KALRN: variants seen among roughly 807,000 people sequenced by gnomAD.
The protein encoded by KALRN is kalirin RhoGEF kinase.
In KALRN, 70 loss-of-function variants were observed where a neutral mutation model predicts 353.7. That is an observed-to-expected ratio of 0.20 (90% confidence interval 0.16 to 0.24). The LOEUF is 0.24. KALRN is among the 10% of genes least tolerant of loss of function. The probability of loss-of-function intolerance (pLI) is 1.00; values close to 1 mark genes in which losing one functional copy is unlikely to be tolerated. For synonymous variants in KALRN, 1,391 were observed against 1,434.8 expected, an observed-to-expected ratio of 0.97 and a Z score of 0.69; for missense variants, 2,791 against 3,756.7, an observed-to-expected ratio of 0.74 and a Z score of 6.72.
intron 1 of KALRN, among the ~76,000 whole-genome samples, chr3:124,070,444 T>C (rs1284068133): frequency 6.6e-6 from 1 of 152,178 alleles, no homozygotes. Context: ...GCTTGAATGT[T>C]CTTTGCATCC....
At chr3:124,491,148 T>C (rs1389188667) in intron 30 of KALRN, among the ~76,000 whole-genome samples, 175 bp from the exon 31 acceptor site, 1 of 152,156 alleles carries the variant, frequency 6.6e-6, no homozygotes, top group Non-Finnish European at 1.5e-5. Context: ...GGCACGTGCC[T>C]GTAGGTCCTT....
At chr3:124,378,499 T>C (rs188730871) in intron 10 of KALRN, among the ~76,000 whole-genome samples, 1 of 150,900 alleles carries the variant, frequency 6.6e-6, no homozygotes, top group East Asian at 1.9e-4. Flanking sequence ...TGCTCTTGAT[T>C]CCTGTGTATG....
At chr3:124,093,989 T>C (rs10934657) in intron 1 of KALRN, 91,001 of 151,892 alleles carry the variant, frequency 0.6, 30,109 homozygotes, top group Non-Finnish European at 0.75. Context: ...GGGAGAGGGG[T>C]TGAGAGGTAA....
chr3:124,469,625 TC>T (rs2060689385), intron 25 of KALRN, among the ~76,000 whole-genome samples: 1 of 152,174 alleles, frequency 6.6e-6, no homozygotes. Flanking sequence ...GTCCTGGACT[TC>T]CTATAAATAC....
chr3:124,371,972 C>G (rs368380110), intron 10 of KALRN, among the ~76,000 whole-genome samples: 1 of 152,160 alleles, frequency 6.6e-6, no homozygotes, highest in African/African-American at 2.4e-5. Flanking sequence ...TAAAAACCTT[C>G]CATCTACTCT....
chr3:124,375,902 C>A (rs2086520052), intron 10 of KALRN, among the ~76,000 whole-genome samples: 1 of 152,120 alleles, frequency 6.6e-6, no homozygotes. Flanking sequence ...CAGCAAAGAA[C>A]AACTACTATA....
chr3:124,611,774 C>G (rs756886403), intron 34 of KALRN, among the ~76,000 whole-genome samples: 8 of 152,334 alleles, frequency 5.3e-5, no homozygotes, highest in Non-Finnish European at 1.2e-4. Flanking sequence ...CATTTCATGT[C>G]CCTTCACCCA....
At chr3:124,508,600 G>T (rs2065501292) in intron 33 of KALRN, among the ~76,000 whole-genome samples, 1 of 152,148 alleles carries the variant, frequency 6.6e-6, no homozygotes, top group Non-Finnish European at 1.5e-5. Flanking sequence ...TGTGAACAAT[G>T]CTGCTATGGA....
At chr3:124,459,728 CTGTT>C (rs1298262008) in intron 23 of KALRN, among the ~76,000 whole-genome samples, 4 of 152,122 alleles carry the variant, frequency 2.6e-5, no homozygotes, top group Non-Finnish European at 5.9e-5. Flanking sequence ...TTTTGACACT[CTGTT>C]TGTGAATTAC....
At chr3:124,634,292 C>T (rs373813926) in intron 36 of KALRN, among the ~76,000 whole-genome samples, 2 of 152,212 alleles carry the variant, frequency 1.3e-5, no homozygotes, top group Non-Finnish European at 2.9e-5. Flanking sequence ...ACCATTTTGT[C>T]GTACCTGACT....
At chr3:124,373,494 C>T (rs142994307) in intron 10 of KALRN, among the ~76,000 whole-genome samples, 51 of 152,290 alleles carry the variant, frequency 3.3e-4, no homozygotes, top group African/African-American at 1.1e-3. Flanking sequence ...AGAAATTTAT[C>T]GTCTCACAGT....
chr3:124,402,587 A>C (rs1260890642), intron 13 of KALRN, among the ~76,000 whole-genome samples: 1 of 152,220 alleles, frequency 6.6e-6, no homozygotes, highest in Non-Finnish European at 1.5e-5. Flanking sequence ...GAAATGAAAA[A>C]TATTTTTAGA....
intron 3 of KALRN, 46 bp downstream of exon 3, chr3:124,234,989 G>A (rs755568020): frequency 8.6e-6 from 12 of 1,396,264 alleles, no homozygotes; most frequent in Non-Finnish European, 1.2e-5. Flanking sequence ...AGGGGAGCTG[G>A]GCTGATGCCA....
chr3:124,600,078 G>A (rs909069293), intron 34 of KALRN, among the ~76,000 whole-genome samples: 1 of 152,250 alleles, frequency 6.6e-6, no homozygotes, highest in Non-Finnish European at 1.5e-5. Flanking sequence ...GGAGTTAGAA[G>A]AGAAAGTGGG....
intron 23 of KALRN, among the ~76,000 whole-genome samples, chr3:124,459,700 AG>A (rs1235392745): frequency 6.6e-6 from 1 of 152,202 alleles, no homozygotes; most frequent in Non-Finnish European, 1.5e-5. Context: ...AGATTTCTGG[AG>A]GACTTTATAA....
intron 1 of KALRN, among the ~76,000 whole-genome samples, chr3:124,079,014 C>G (rs2060402972): frequency 6.6e-6 from 1 of 152,136 alleles, no homozygotes; most frequent in Admixed American, 6.5e-5. Flanking sequence ...AGGGTGGGGC[C>G]TATTCTGTTT....
chr3:124,352,994 C>T (rs559497404), intron 10 of KALRN, among the ~76,000 whole-genome samples: 1 of 151,992 alleles, frequency 6.6e-6, no homozygotes, highest in Admixed American at 6.5e-5. Flanking sequence ...GCACACGTAC[C>T]CCAGAACTGA....
intron 1 of KALRN, among the ~76,000 whole-genome samples, chr3:124,223,629 G>T (rs2078162762): frequency 6.6e-6 from 1 of 152,242 alleles, no homozygotes; most frequent in Non-Finnish European, 1.5e-5. Flanking sequence ...CCACTCTGTT[G>T]TTTGTTTCTT....
chr3:124,310,377 G>A (rs942669682), intron 6 of KALRN, among the ~76,000 whole-genome samples: 1 of 152,082 alleles, frequency 6.6e-6, no homozygotes, highest in African/African-American at 2.4e-5. Flanking sequence ...TCTCTATCAG[G>A]ATCCCAACTG....
Sources: gnomAD v4.1 joint callset for allele counts (sites outside exome capture counted in the v4.1 genomes callset) on GRCh38, gnomAD v4.1.1 for gene constraint, MANE v1.5 for transcripts, NCBI Gene and HGNC (gene_info 2026-07-23, HGNC 2026-07-21) for gene names.